CSMD1: variants seen among roughly 807,000 people sequenced by gnomAD.
The protein encoded by CSMD1 is CUB and Sushi multiple domains 1, also known as CUB and sushi domain-containing protein 1.
Under a neutral mutation model 417.5 loss-of-function variants are expected in CSMD1, and 213 were observed. The observed-to-expected ratio is 0.51, with a 90% CI of 0.46 to 0.57. The LOEUF (loss-of-function observed/expected upper bound fraction) is 0.57. Among genes scored for constraint, CSMD1 ranks in the 20% least tolerant of loss-of-function variants. The pLI, the probability that CSMD1 is intolerant of heterozygous loss-of-function variation, is 0.00. For missense variants in CSMD1, 6,923 were observed against 4,529.7 expected (o/e 1.53, Z -15.17); for synonymous variants, 2,862 against 1,736.8 (o/e 1.65, Z -16.11).
chr8:4,977,333 G>T (rs953825955), intron 1 of CSMD1, among the ~76,000 whole-genome samples: 1 of 152,246 alleles, frequency 6.6e-6, no homozygotes, highest in Admixed American at 6.5e-5. Flanking sequence ...AACCTTGATT[G>T]AAAACGCAGC....
rs577144526 is a variant in CSMD1, at chr8:3,846,677, A to C, written c.819-92635T>G. On this transcript the variant is annotated intron_variant, in intron 5 of 69. Transcript: ENST00000635120. ...TTTATTTAATTATTTATTTAGTTTG[A>C]GATGGAGTTTCTCTCTGTCGCCCAG... 2.0e-5 allele frequency among the ~76,000 whole-genome samples: 3 copies of C among 152,242 alleles called. No homozygotes were observed. The South Asian group carries it at 6.2e-4, about 32-fold the overall frequency.
chr8:4,485,164 C>G (rs1029612123), intron 2 of CSMD1, among the ~76,000 whole-genome samples: 5 of 152,024 alleles, frequency 3.3e-5, no homozygotes, highest in Admixed American at 2.0e-4. Context: ...CCTTAGATGT[C>G]TACTGATTTG....
intron 2 of CSMD1, among the ~76,000 whole-genome samples, chr8:4,458,820 A>T (rs1799640361): frequency 6.6e-6 from 1 of 152,214 alleles, no homozygotes; most frequent in Non-Finnish European, 1.5e-5. Context: ...TTTCAATTAG[A>T]TCCAAAGACC....
Position 4,061,872 on chromosome 8 carries a change from T to G in CSMD1, c.416-29773A>C, listed in dbSNP as rs181677603. Among the ~76,000 whole-genome samples, 1,087 of 152,324 alleles carry G rather than the reference T, an allele frequency of 7.1e-3. 7 individuals are homozygous for G. The highest frequency in any genetic ancestry group is 0.011 in the Non-Finnish European group (743 of 68,024). ...AGATGTAGGTCAGTCTTTCCATGAC[T>G]TGACAACTTCTGAGCATACTGGTAA... On this transcript the variant is annotated intron_variant, in intron 3 of 69. Transcript: ENST00000635120.
intron 5 of CSMD1, among the ~76,000 whole-genome samples, chr8:3,798,036 T>G (rs1037628907): frequency 2.0e-5 from 3 of 152,068 alleles, no homozygotes; most frequent in Non-Finnish European, 4.4e-5. Context: ...GGTGCTTTTT[T>G]GACCATTTTT....
At chr8:4,142,446 C>G (rs903259340) in intron 3 of CSMD1, among the ~76,000 whole-genome samples, 1 of 151,202 alleles carries the variant, frequency 6.6e-6, no homozygotes, top group Non-Finnish European at 1.5e-5. Context: ...TAGTTTCCCT[C>G]TACTCCTCTG....
chr8:4,674,089 T>A (rs1042985336), intron 1 of CSMD1, among the ~76,000 whole-genome samples: 1 of 152,218 alleles, frequency 6.6e-6, no homozygotes, highest in Admixed American at 6.5e-5. Flanking sequence ...ATATGCATTA[T>A]TCTCTTTATA....
chr8:3,023,253 T>A (rs899277055), intron 51 of CSMD1, among the ~76,000 whole-genome samples: 4 of 152,226 alleles, frequency 2.6e-5, no homozygotes, highest in African/African-American at 9.6e-5. Context: ...TAGGCCATGT[T>A]CTTTGAATAT....
intron 5 of CSMD1, among the ~76,000 whole-genome samples, chr8:3,995,296 G>A (rs1464631975): frequency 6.6e-6 from 1 of 152,206 alleles, no homozygotes; most frequent in African/African-American, 2.4e-5. Flanking sequence ...AAAGCTGAGA[G>A]TTCCACTTAA....
intron 41 of CSMD1, among the ~76,000 whole-genome samples, chr8:3,139,776 G>A (rs989875756): frequency 6.6e-6 from 1 of 152,128 alleles, no homozygotes; most frequent in Non-Finnish European, 1.5e-5. Context: ...AAAATTTCAT[G>A]GATAGTAGCT....
chr8:4,795,252 C>CTTTTTTTGTTTTTTTTT (rs1797913137), intron 1 of CSMD1, among the ~76,000 whole-genome samples: 1 of 46,226 alleles, frequency 2.2e-5, no homozygotes, highest in African/African-American at 7.2e-5. Context: ...GGTGTCATAG[C>CTTTTTTTGTTTTTTTTT]TTTTTTTTTT....
chr8:4,058,849 T>G (rs1213642796), intron 3 of CSMD1, among the ~76,000 whole-genome samples: 2 of 151,624 alleles, frequency 1.3e-5, no homozygotes, highest in East Asian at 1.9e-4. Context: ...AATGGGAGAC[T>G]TTAACACACC....
intron 2 of CSMD1, among the ~76,000 whole-genome samples, chr8:4,601,177 A>G (rs1800559061): frequency 6.6e-6 from 1 of 152,208 alleles, no homozygotes; most frequent in East Asian, 1.9e-4. Context: ...CTGGTCTCGA[A>G]CTCCTAACCT....
chr8:3,592,404 T>C (rs1319424728), intron 8 of CSMD1, among the ~76,000 whole-genome samples: 1 of 152,066 alleles, frequency 6.6e-6, no homozygotes, highest in Non-Finnish European at 1.5e-5. Flanking sequence ...AAAAATACAT[T>C]AGGTAAAATG....
chr8:3,856,028 C>G, intron 5 of CSMD1, among the ~76,000 whole-genome samples: 1 of 151,902 alleles, frequency 6.6e-6, no homozygotes, highest in East Asian at 1.9e-4. Flanking sequence ...ACAAACATTA[C>G]CAAACTTTTA....
rs113421383 is a variant in CSMD1 at position 4,032,298 on chromosome 8, A to C, written c.416-199T>G. ...ATATCTGCAGTATAACACTTTTATA[A>C]ACATCATAAAGTGTAAATAAATGCA... is the stretch of plus-strand genomic sequence containing the variant. On this transcript the variant is annotated intron_variant, in intron 3 of 69. Transcript: ENST00000635120. Among the ~76,000 whole-genome samples the C allele has an allele frequency of 3.0e-3, 450 of 152,350 alleles. 3 individuals are homozygous for C. Among genetic ancestry groups the C allele is most frequent in the African/African-American group, 0.01 (429 of 41,586 alleles).
At chr8:4,939,965 A>C (rs1807877674) in intron 1 of CSMD1, among the ~76,000 whole-genome samples, 1 of 152,214 alleles carries the variant, frequency 6.6e-6, no homozygotes, top group Admixed American at 6.5e-5. Context: ...AAGATTGGGA[A>C]AACTTGAAAA....
At chr8:3,651,097 G>A (rs949739677) in intron 7 of CSMD1, among the ~76,000 whole-genome samples, 10 of 152,146 alleles carry the variant, frequency 6.6e-5, no homozygotes, top group Admixed American at 3.3e-4. Context: ...TACAATGGCC[G>A]TTTATCACCA....
chr8:3,334,976 A>C (rs1807157608), intron 23 of CSMD1, among the ~76,000 whole-genome samples: 1 of 152,218 alleles, frequency 6.6e-6, no homozygotes, highest in Admixed American at 6.5e-5. Context: ...CAACTCTTGT[A>C]ATAATGCTCC....
Sources: gnomAD v4.1 joint callset for allele counts (sites outside exome capture counted in the v4.1 genomes callset) on GRCh38, gnomAD v4.1.1 for gene constraint, MANE v1.5 for transcripts, NCBI Gene and HGNC (gene_info 2026-07-23, HGNC 2026-07-21) for gene names.